ZC3H14: variants seen among roughly 807,000 people sequenced by gnomAD.
The protein encoded by ZC3H14 is zinc finger CCCH-type containing 14.
ZC3H14 carries 31 observed loss-of-function variants against 92.4 expected under a neutral mutation model. The observed-to-expected ratio is 0.34, with a 90% confidence interval of 0.25 to 0.45. The LOEUF is 0.45. Among genes scored for constraint, ZC3H14 ranks in the 20% least tolerant of loss-of-function variants. The probability of loss-of-function intolerance (pLI) is 1.00; values close to 1 mark genes in which losing one functional copy is unlikely to be tolerated. For synonymous variants in ZC3H14, 321 were observed against 300.9 expected (o/e 1.07, Z -0.69); for missense variants, 781 against 897.3 (o/e 0.87, Z 1.66).
Position 88,625,339 on chromosome 14 carries a change from T to G in ZC3H14, c.*13588T>G. On this transcript the variant is annotated 3_prime_UTR_variant, in exon 17 of 17. Transcript: ENST00000251038. ...TTTTCCTTTCCAAGTCTGTTGCTTA[T>G]TAGCTAGAATAACCTTAGACAATTC... The G allele has an allele frequency of 1.9e-6, 1 of 526,750 alleles. No homozygotes were observed. The highest frequency in any genetic ancestry group is 3.3e-6 in the Non-Finnish European group (1 of 299,764). The allele number at this position is 526,750 out of a possible 1,614,324, so 32.6% of individuals were successfully genotyped here. A position where few individuals can be genotyped will look rare whatever the true frequency, so the allele number is the denominator to read the frequency against.
At chr14:88,579,968 T>C (rs2081678216) in intron 9 of ZC3H14, among the ~76,000 whole-genome samples, 1 of 152,146 alleles carries the variant, frequency 6.6e-6, no homozygotes, top group Non-Finnish European at 1.5e-5. Context: ...TCCCAACACT[T>C]TGGGAGGCTG....
At chr14:88,563,540 C>CG in intron 1 of ZC3H14, 111 bp from the exon 2 acceptor site, 1 of 1,582,290 alleles carries the variant, frequency 6.3e-7, no homozygotes, top group South Asian at 1.1e-5. Flanking sequence ...AGCCCCCGCC[C>CG]GGGGGATCCG....
chr14:88,585,951 C>CT (rs2082422517), intron 9 of ZC3H14, among the ~76,000 whole-genome samples: 1 of 152,052 alleles, frequency 6.6e-6, no homozygotes, highest in African/African-American at 2.4e-5. Context: ...GGTGGATCAC[C>CT]TGAGGTCAGG....
chr14:88,609,137 C>A lies in ZC3H14; in HGVS notation c.1869-130C>A, dbSNP rs2086112243. 7 of 1,095,312 alleles carry A rather than the reference C, an allele frequency of 6.4e-6. No individual in the cohort carries two copies. The South Asian group carries it at 7.3e-5, about 11-fold the overall frequency. The allele number at this position is 1,095,312 out of a possible 1,614,324, so 67.8% of individuals were successfully genotyped here. A position where few individuals can be genotyped will look rare whatever the true frequency, so the allele number is the denominator to read the frequency against. ...ATATATGGTCTTATTTTAAAATATT[C>A]TTTTTGTTGCTGTTTTTTTTGCATT... On this transcript the variant is annotated intron_variant, in intron 13 of 16. Transcript: ENST00000251038.
At chr14:88,575,348 T>A (rs952877058) in intron 7 of ZC3H14, among the ~76,000 whole-genome samples, 2 of 151,994 alleles carry the variant, frequency 1.3e-5, no homozygotes, top group South Asian at 4.1e-4. Context: ...TTGACTAATA[T>A]GGTGGGGTGA....
chr14:88,564,697 G>T (rs1013844371), intron 2 of ZC3H14, among the ~76,000 whole-genome samples: 2 of 152,114 alleles, frequency 1.3e-5, no homozygotes, highest in Non-Finnish European at 2.9e-5. Flanking sequence ...CTCCCCCCTT[G>T]TAGTTTTTTT....
Position 88,622,650 on chromosome 14 carries a change from T to G in ZC3H14, c.*10899T>G, listed in dbSNP as rs2089211657. The stretch of plus-strand genomic sequence containing the variant: ...AACACAATCTGTGGCTTGTCCTGTC[T>G]CAAGCCTGAAGGCACGGCACCGCCT... On this transcript the variant is annotated 3_prime_UTR_variant, in exon 17 of 17. Coordinates refer to ENST00000251038, the MANE Select transcript of ZC3H14 (RefSeq NM_024824.5). 1 of 1,611,998 alleles carries G rather than the reference T, an allele frequency of 6.2e-7. No homozygotes were observed. Among genetic ancestry groups the G allele is most frequent in the Non-Finnish European group, 8.5e-7 (1 of 1,178,960 alleles).
intron 15 of ZC3H14, among the ~76,000 whole-genome samples, chr14:88,610,023 A>G (rs1013179686): frequency 1.3e-5 from 2 of 152,184 alleles, no homozygotes; most frequent in Admixed American, 6.5e-5. Context: ...AGTGGGGGGA[A>G]GCATATCTTT....
intron 9 of ZC3H14, among the ~76,000 whole-genome samples, chr14:88,587,660 G>A (rs1009831689): frequency 6.6e-6 from 1 of 152,152 alleles, no homozygotes; most frequent in African/African-American, 2.4e-5. Context: ...AGACTATTTA[G>A]TCTGGGCATG....
intron 8 of ZC3H14, among the ~76,000 whole-genome samples, chr14:88,577,362 A>C (rs967368142): frequency 6.6e-5 from 10 of 152,216 alleles, no homozygotes; most frequent in Admixed American, 2.0e-4. Flanking sequence ...TTTGAAACTC[A>C]TATAAGATCA....
intron 9 of ZC3H14, 88 bp from the exon 10 acceptor site, chr14:88,596,646 A>T: frequency 1.8e-6 from 2 of 1,127,250 alleles, no homozygotes; most frequent in Non-Finnish European, 2.7e-6. Flanking sequence ...ACTTCAAGTT[A>T]AGAACCCAGA....
At position 88,571,105 on chromosome 14, in the gene ZC3H14, A is replaced by G. The variant is rs1333987582; in HGVS notation, c.216A>G (p.Lys72=). Residue 72 remains lysine (K), a synonymous_variant, in exon 4 of 17, where the codon AAA becomes AAG. Coordinates refer to ENST00000251038, the MANE Select transcript of ZC3H14 (RefSeq NM_024824.5). ...FTVWLHGVLD[K]LRSVTTEPSS... ...TCAGGCTTCATGGTGTATTAGATAA[A>G]CTTCGCTCTGTTACAACTGGTAAGA... 5 of 1,583,394 alleles carry G rather than the reference A, an allele frequency of 3.2e-6. No individual in the cohort carries two copies. Among genetic ancestry groups the G allele is most frequent in the Admixed American group, 1.7e-5 (1 of 57,710 alleles).
rs570156368 is a variant in ZC3H14 at position 88,624,811 on chromosome 14, T to C, written c.*13060T>C. ...AGTGAATTAAGACCAGAAATGAGAA[T>C]CAAATAGAAGGCACATAAAAGGTAA... is the stretch of plus-strand genomic sequence containing the variant. On this transcript the variant is annotated 3_prime_UTR_variant, in exon 17 of 17. Transcript: ENST00000251038. 2 of 809,930 alleles carry C rather than the reference T, an allele frequency of 2.5e-6. No homozygotes were observed. Among genetic ancestry groups the C allele is most frequent in the East Asian group, 5.6e-5 (2 of 35,548 alleles). The allele number at this position is 809,930 out of a possible 1,614,324, so 50.2% of individuals were successfully genotyped here.
chr14:88,575,111 A>G (rs1264559850), intron 7 of ZC3H14, among the ~76,000 whole-genome samples: 1 of 151,994 alleles, frequency 6.6e-6, no homozygotes, highest in African/African-American at 2.4e-5. Context: ...TAATTTTTGT[A>G]TTTTTAGTAG....
chr14:88,606,112 C>T (rs1480238136), intron 12 of ZC3H14, among the ~76,000 whole-genome samples: 3 of 152,160 alleles, frequency 2.0e-5, no homozygotes, highest in Admixed American at 6.6e-5. Flanking sequence ...TTTAAGGTGT[C>T]TCAGTCCAGA....
At chr14:88,571,316 G>A (rs1467208860) in intron 4 of ZC3H14, among the ~76,000 whole-genome samples, 192 bp downstream of exon 4, 1 of 152,104 alleles carries the variant, frequency 6.6e-6, no homozygotes, top group Non-Finnish European at 1.5e-5. Context: ...TTAAGTGTGG[G>A]AGAGGGAGCA....
At chr14:88,611,689 G>A in intron 16 of ZC3H14, 56 bp from the exon 17 acceptor site, 1 of 1,602,820 alleles carries the variant, frequency 6.2e-7, no homozygotes, top group Non-Finnish European at 8.5e-7. Context: ...TGAGATATAT[G>A]GTATATATGG....
chr14:88,568,348 AAAAG>A (rs1253114972), intron 3 of ZC3H14, among the ~76,000 whole-genome samples, 195 bp downstream of exon 3: 17 of 152,356 alleles, frequency 1.1e-4, no homozygotes, highest in Non-Finnish European at 1.5e-4. Context: ...GGTAATTTCT[AAAAG>A]AAAGAGGTTT....
chr14:88,622,784 A>G lies in ZC3H14; in HGVS notation c.*11033A>G. The G allele has an allele frequency of 2.7e-6, 3 of 1,108,686 alleles. No homozygotes were observed. Among genetic ancestry groups the G allele is most frequent in the African/African-American group, 3.4e-5 (2 of 59,456 alleles). 68.7% of individuals were successfully genotyped at this position (1,108,686 alleles called of 1,614,324 possible). A position where few individuals can be genotyped will look rare whatever the true frequency, so the allele number is the denominator to read the frequency against. Reference sequence around the variant, plus strand: ...CTACTATAATTTTTATTATAAACAAATACCAAGTTATAAGCAGAATCTTTT... The same window carrying G: ...CTACTATAATTTTTATTATAAACAAGTACCAAGTTATAAGCAGAATCTTTT... On this transcript the variant is annotated 3_prime_UTR_variant, in exon 17 of 17. Transcript: ENST00000251038.
Sources: gnomAD v4.1 joint callset for allele counts (sites outside exome capture counted in the v4.1 genomes callset) on GRCh38, gnomAD v4.1.1 for gene constraint, MANE v1.5 for transcripts, NCBI Gene and HGNC (gene_info 2026-07-23, HGNC 2026-07-21) for gene names.